The following RNF38 variants were observed in gnomAD, a reference collection of about 807,000 sequenced individuals.
The protein encoded by RNF38 is ring finger protein 38.
In RNF38, 15 loss-of-function variants were observed where a neutral mutation model predicts 67.2. That is an observed-to-expected ratio of 0.22 (90% CI 0.15 to 0.34). The LOEUF is 0.34. RNF38 is among the 10% of genes least tolerant of loss of function. The probability of loss-of-function intolerance (pLI) is 1.00; values close to 1 mark genes in which losing one functional copy is unlikely to be tolerated. For missense variants in RNF38, 524 were observed against 639.9 expected (o/e 0.82, Z 1.95); for synonymous variants, 220 against 218.8 (o/e 1.01, Z -0.05).
intron 1 of RNF38, among the ~76,000 whole-genome samples, chr9:36,399,135 A>C (rs2134127425): frequency 6.6e-6 from 1 of 152,334 alleles, no homozygotes; most frequent in Middle Eastern, 3.4e-3. Context: ...TAGTAGAGAA[A>C]ATTCTCCTCA....
chr9:36,454,919 T>C (rs1198691169), intron 1 of RNF38, among the ~76,000 whole-genome samples: 2 of 152,214 alleles, frequency 1.3e-5, no homozygotes, highest in Non-Finnish European at 2.9e-5. Flanking sequence ...TTCAAGGTTA[T>C]ATATTTATGC....
At chr9:36,482,981 G>A (rs1012970890) in intron 1 of RNF38, among the ~76,000 whole-genome samples, 9 of 152,168 alleles carry the variant, frequency 5.9e-5, no homozygotes, top group African/African-American at 1.7e-4. Flanking sequence ...TCCACACCAG[G>A]TACTCATCTT....
At chr9:36,476,126 G>A (rs1258380782) in intron 1 of RNF38, among the ~76,000 whole-genome samples, 4 of 152,082 alleles carry the variant, frequency 2.6e-5, no homozygotes, top group Non-Finnish European at 5.9e-5. Flanking sequence ...ACTAAAACAG[G>A]TTTTTGTTTT....
At chr9:36,358,334 T>C (rs1340870674) in intron 4 of RNF38, among the ~76,000 whole-genome samples, 1 of 152,240 alleles carries the variant, frequency 6.6e-6, no homozygotes, top group African/African-American at 2.4e-5. Context: ...ATGTAAAGTA[T>C]ATTTTTAAAA....
At chr9:36,453,266 T>A (rs942086553) in intron 1 of RNF38, among the ~76,000 whole-genome samples, 4 of 152,082 alleles carry the variant, frequency 2.6e-5, no homozygotes, top group African/African-American at 9.7e-5. Context: ...CTGGCTGGAG[T>A]GCACTGGCAC....
chr9:36,367,429 A>G (rs903394599), intron 4 of RNF38, among the ~76,000 whole-genome samples: 2 of 151,584 alleles, frequency 1.3e-5, no homozygotes, highest in African/African-American at 4.8e-5. Flanking sequence ...GCGCCTATTA[A>G]TATTTTTCCT....
intron 1 of RNF38, among the ~76,000 whole-genome samples, chr9:36,452,778 C>G (rs1356144506): frequency 1.3e-5 from 2 of 152,182 alleles, no homozygotes; most frequent in African/African-American, 4.8e-5. Flanking sequence ...AGTGATCCGC[C>G]TGCCCTGGCC....
intron 2 of RNF38, among the ~76,000 whole-genome samples, chr9:36,423,657 T>C (rs1345769209): frequency 7.3e-6 from 1 of 137,334 alleles, no homozygotes; most frequent in African/African-American, 2.7e-5. Flanking sequence ...TGATGAGTAT[T>C]GAAAAGCCCC....
At chr9:36,375,216 T>C (rs897383124) in intron 3 of RNF38, among the ~76,000 whole-genome samples, 8 of 152,184 alleles carry the variant, frequency 5.3e-5, no homozygotes, top group Admixed American at 3.9e-4. Context: ...TTAAATACAG[T>C]GTCTCATTCT....
intron 1 of RNF38, among the ~76,000 whole-genome samples, chr9:36,427,549 C>T (rs1838803702): frequency 6.6e-6 from 1 of 151,964 alleles, no homozygotes; most frequent in African/African-American, 2.4e-5. Context: ...CCAAAGAATC[C>T]CTCACCCTTT....
chr9:36,452,378 CTAGA>C (rs1274785850), intron 1 of RNF38, among the ~76,000 whole-genome samples: 3 of 151,390 alleles, frequency 2.0e-5, no homozygotes, highest in South Asian at 2.1e-4. Context: ...TCCTCCAGCC[CTAGA>C]TAATCATTAA....
intron 2 of RNF38, among the ~76,000 whole-genome samples, chr9:36,384,946 T>C (rs1344380592): frequency 6.6e-6 from 1 of 152,186 alleles, no homozygotes; most frequent in Non-Finnish European, 1.5e-5. Flanking sequence ...GCCTTGAAGA[T>C]GAGGAGCATG....
intron 1 of RNF38, among the ~76,000 whole-genome samples, chr9:36,437,031 A>G (rs1839086549): frequency 6.6e-6 from 1 of 152,130 alleles, no homozygotes; most frequent in Non-Finnish European, 1.5e-5. Context: ...TCCTATGCAG[A>G]TAAACATTTG....
At chr9:36,420,584 C>T (rs1156872516) in intron 2 of RNF38, among the ~76,000 whole-genome samples, 1 of 150,538 alleles carries the variant, frequency 6.6e-6, no homozygotes. Context: ...ATGCCCCCTT[C>T]CCTGCTTTCT....
At chr9:36,407,378 G>A (rs1838208081) in intron 2 of RNF38, among the ~76,000 whole-genome samples, 1 of 152,186 alleles carries the variant, frequency 6.6e-6, no homozygotes, top group African/African-American at 2.4e-5. Flanking sequence ...TAGCTGGAAT[G>A]ACAGAGGGCA....
chr9:36,487,666 G>A (rs1307144173), upstream of RNF38: 2 of 748,626 alleles, frequency 2.7e-6, no homozygotes, highest in Non-Finnish European at 3.2e-6. Context: ...GGCGGCTCCC[G>A]AAGGGGGAGG....
At chr9:36,480,555 T>C (rs1235941654) in intron 1 of RNF38, among the ~76,000 whole-genome samples, 2 of 142,514 alleles carry the variant, frequency 1.4e-5, no homozygotes, top group African/African-American at 2.6e-5. Context: ...TTTCTTTTTT[T>C]TTTTTTTTTT....
At chr9:36,427,878 T>C (rs1838818073) in intron 1 of RNF38, among the ~76,000 whole-genome samples, 1 of 151,340 alleles carries the variant, frequency 6.6e-6, no homozygotes, top group Non-Finnish European at 1.5e-5. Context: ...GCCTGGCTAA[T>C]TTTGTATTTT....
intron 4 of RNF38, among the ~76,000 whole-genome samples, chr9:36,360,417 C>A (rs1834443419): frequency 6.6e-6 from 1 of 152,142 alleles, no homozygotes; most frequent in African/African-American, 2.4e-5. Context: ...GGATGAGCAT[C>A]CCTTATCTGA....
Sources: allele counts gnomAD v4.1 joint callset (sites outside exome capture counted in the v4.1 genomes callset), GRCh38; gene constraint gnomAD v4.1.1; transcripts MANE v1.5; gene names NCBI Gene and HGNC (gene_info 2026-07-23, HGNC 2026-07-21).